The following SORCS2 variants were observed in gnomAD, a reference collection of about 807,000 sequenced individuals.
SORCS2 encodes the protein sortilin related VPS10 domain containing receptor 2.
SORCS2 carries 100 observed loss-of-function variants against 141.6 expected under a neutral mutation model. That is an observed-to-expected ratio of 0.71 (90% CI 0.60 to 0.83). The LOEUF (loss-of-function observed/expected upper bound fraction) is 0.83, where lower values mean the gene tolerates loss of function less well. Among genes scored for constraint, SORCS2 ranks in the 40% least tolerant of loss-of-function variants. SORCS2 has a pLI of 0.00. For synonymous variants in SORCS2, 789 were observed against 676.9 expected (o/e 1.17, Z -2.57); for missense variants, 1,646 against 1,560.2 (o/e 1.05, Z -0.93).
At chr4:7,712,541 C>T (rs541689151) in intron 14 of SORCS2, among the ~76,000 whole-genome samples, 192 bp from the exon 15 acceptor site, 1 of 152,224 alleles carries the variant, frequency 6.6e-6, no homozygotes, top group Non-Finnish European at 1.5e-5. Context: ...ACGCCGAAGC[C>T]TACAGAGCAC....
At chr4:7,707,411 A>C (rs185417409) in intron 14 of SORCS2, among the ~76,000 whole-genome samples, 6 of 152,194 alleles carry the variant, frequency 3.9e-5, no homozygotes, top group African/African-American at 1.4e-4. Context: ...AGGGTGGGAA[A>C]CCAGGTTTCG....
rs368185914 is a variant in SORCS2 at position 7,648,578 on chromosome 4, A to G, written c.814-5556A>G. Among the ~76,000 whole-genome samples, 2 of 150,632 alleles carry G rather than the reference A, an allele frequency of 1.3e-5. No homozygotes were observed. The highest frequency in any genetic ancestry group is 4.0e-4 in the East Asian group (2 of 4,960). On this transcript the variant is annotated intron_variant, in intron 4 of 26. Coordinates refer to ENST00000507866, the MANE Select transcript of SORCS2 (RefSeq NM_020777.3). This position sits in a 1 kb window ranked among gnomAD's most constrained non-coding sequence, Gnocchi z 4.2. ...TGCCCTCGTGGGGCCTCCTTTCTAG[A>G]TGAGGATGGGGGCGCAGAGCAGATG...
At position 7,654,135 on chromosome 4, in the gene SORCS2, T is replaced by G; in HGVS notation, c.815T>G (p.Leu272Arg). ...TTGTTTCTTTTTTCTGCCCTAAAGC[T>G]CTACGTGTCATCTGACTTGGGGAAA... ...KVLAYTKESKLYVSSDLGKKW... is the reference protein window; with the variant it reads ...KVLAYTKESKRYVSSDLGKKW... Residue 272 changes from leucine to arginine, a missense_variant and splice_region_variant, in exon 5 of 27, where the codon CTC (leucine) becomes CGC (arginine). By Grantham distance (102) the Leu-to-Arg change is moderately radical. Transcript: ENST00000507866. The G allele has an allele frequency of 6.3e-7, 1 of 1,575,246 alleles. No homozygotes were observed. The highest frequency in any genetic ancestry group is 8.6e-7 in the Non-Finnish European group (1 of 1,158,814).
intron 18 of SORCS2, among the ~76,000 whole-genome samples, chr4:7,720,011 C>A (rs576008224): frequency 6.6e-6 from 1 of 152,130 alleles, no homozygotes; most frequent in South Asian, 2.1e-4. Context: ...GATCCAGGTC[C>A]GAGGCACACA....
intron 1 of SORCS2, among the ~76,000 whole-genome samples, chr4:7,303,370 C>T (rs886690096): frequency 2.6e-5 from 4 of 152,146 alleles, no homozygotes; most frequent in African/African-American, 9.7e-5. Flanking sequence ...GTTTTTTATG[C>T]GTTTCCAGTC....
intron 1 of SORCS2, among the ~76,000 whole-genome samples, chr4:7,261,438 A>G (rs1196405674): frequency 6.6e-6 from 1 of 152,194 alleles, no homozygotes; most frequent in African/African-American, 2.4e-5. Context: ...CCAAGGCATG[A>G]GATTATATTT....
intron 8 of SORCS2, among the ~76,000 whole-genome samples, chr4:7,672,939 T>C (rs1458319962): frequency 6.6e-6 from 1 of 152,230 alleles, no homozygotes; most frequent in Admixed American, 6.5e-5. Context: ...TTCTACCTAA[T>C]AACAAATATT....
At chr4:7,488,018 C>T (rs1039049563) in intron 2 of SORCS2, among the ~76,000 whole-genome samples, 3 of 152,186 alleles carry the variant, frequency 2.0e-5, no homozygotes, top group African/African-American at 7.2e-5. Context: ...CCTCCAGGAG[C>T]GTAGCCCTGC....
At chr4:7,242,243 A>C (rs2108792476) in intron 1 of SORCS2, among the ~76,000 whole-genome samples, 1 of 152,198 alleles carries the variant, frequency 6.6e-6, no homozygotes, top group Middle Eastern at 3.4e-3. Flanking sequence ...TCTGTCATCC[A>C]AGAGTGCAGT....
chr4:7,234,120 A>G (rs6414632), intron 1 of SORCS2, among the ~76,000 whole-genome samples: 128,893 of 151,634 alleles, frequency 0.85, 54,985 homozygotes, highest in African/African-American at 0.93. Flanking sequence ...TTGATCCCCC[A>G]CCAGAAAGAT....
intron 2 of SORCS2, among the ~76,000 whole-genome samples, chr4:7,513,177 G>A (rs10005462): frequency 0.067 from 10,232 of 152,264 alleles, 770 homozygotes; most frequent in African/African-American, 0.19. Flanking sequence ...CGAATCTCTA[G>A]AATGGGACCG....
At chr4:7,612,014 G>T (rs1718437250) in intron 3 of SORCS2, among the ~76,000 whole-genome samples, 1 of 152,252 alleles carries the variant, frequency 6.6e-6, no homozygotes, top group Non-Finnish European at 1.5e-5. Context: ...CATCTGATGT[G>T]ATGGGGAATG....
chr4:7,470,511 G>A (rs1030661262), intron 2 of SORCS2, among the ~76,000 whole-genome samples: 2 of 152,216 alleles, frequency 1.3e-5, no homozygotes, highest in East Asian at 1.9e-4. Flanking sequence ...TGCCAGGCAA[G>A]AGGTTGGCTC....
chr4:7,327,568 C>T (rs528680606), intron 1 of SORCS2, among the ~76,000 whole-genome samples: 1 of 152,372 alleles, frequency 6.6e-6, no homozygotes, highest in South Asian at 2.1e-4. Context: ...CTGCTGGTCT[C>T]CCGGCTGCGT....
intron 3 of SORCS2, among the ~76,000 whole-genome samples, chr4:7,541,168 T>C (rs1712619513): frequency 6.6e-6 from 1 of 152,118 alleles, no homozygotes; most frequent in African/African-American, 2.4e-5. Context: ...AGCCAAAGGG[T>C]GCCATGTCTG....
At chr4:7,329,348 G>C (rs1405012246) in intron 1 of SORCS2, among the ~76,000 whole-genome samples, 3 of 152,202 alleles carry the variant, frequency 2.0e-5, no homozygotes, top group African/African-American at 7.2e-5. Flanking sequence ...GCTTCAGGCA[G>C]AGCAAACGTC....
intron 3 of SORCS2, among the ~76,000 whole-genome samples, chr4:7,597,201 G>GGGCTATTGCAATAGGGAAGGA (rs1312437339): frequency 2.6e-5 from 4 of 151,618 alleles, no homozygotes; most frequent in East Asian, 1.9e-4. Flanking sequence ...ATGGAAGAGG[G>GGGCTATTGCAATAGGGAAGGA]GGCTATTGCA....
Position 7,737,173 on chromosome 4 carries a change from G to T in SORCS2, c.3415+1G>T, listed in dbSNP as rs1185547449. 1 of 1,551,052 alleles carries T rather than the reference G, an allele frequency of 6.4e-7. No individual in the cohort carries two copies. The highest frequency in any genetic ancestry group is 8.7e-7 in the Non-Finnish European group (1 of 1,146,918). On this transcript the variant is annotated splice_donor_variant, in intron 26 of 26. Transcript: ENST00000507866. LOFTEE classifies it high-confidence loss of function. ...GAGGACGTCCAGGGCGCTGTCCAGGGTGAGGAGTTTATAGATGATGATCTC... is the reference window on the plus strand; with the variant it reads ...GAGGACGTCCAGGGCGCTGTCCAGGTTGAGGAGTTTATAGATGATGATCTC...
At chr4:7,733,827 C>G (rs778940547) in intron 24 of SORCS2, among the ~76,000 whole-genome samples, 53 of 152,364 alleles carry the variant, frequency 3.5e-4, no homozygotes, top group Admixed American at 3.3e-4. Flanking sequence ...AGCCGGGGAG[C>G]TCTGCCCACA....
Sources: gnomAD v4.1 joint callset for allele counts (sites outside exome capture counted in the v4.1 genomes callset) on GRCh38, gnomAD v4.1.1 for gene constraint, Gnocchi (gnomAD v3.1) non-coding constraint, MANE v1.5 for transcripts, NCBI Gene and HGNC (gene_info 2026-07-23, HGNC 2026-07-21) for gene names.